The following BIN2 variants were observed in gnomAD, a reference collection of about 807,000 sequenced individuals.
The protein encoded by BIN2 is breast cancer associated protein BRAP1.
In BIN2, 43 loss-of-function variants were observed where a neutral mutation model predicts 67.9. That is an observed-to-expected ratio of 0.63 (90% CI 0.50 to 0.82). The LOEUF (loss-of-function observed/expected upper bound fraction) is 0.82, where lower values mean the gene tolerates loss of function less well. Ranked by LOEUF, BIN2 falls within the 40% of genes least tolerant of loss-of-function variation. The probability of loss-of-function intolerance (pLI) is 0.00; values close to 1 mark genes in which losing one functional copy is unlikely to be tolerated. For synonymous variants in BIN2, 244 were observed against 246.8 expected (o/e 0.99, Z 0.11); for missense variants, 581 against 671.6 (o/e 0.87, Z 1.49).
At chr12:51,313,593 G>C (rs142114751) in intron 2 of BIN2, among the ~76,000 whole-genome samples, 23 of 152,098 alleles carry the variant, frequency 1.5e-4, no homozygotes, top group African/African-American at 5.3e-4. Context: ...CGCCCGCCTC[G>C]CCCTCCCAAA....
At chr12:51,314,014 GTACT>G (rs1436048757) in intron 1 of BIN2, 111 bp from the exon 2 acceptor site, 2 of 437,700 alleles carry the variant, frequency 4.6e-6, no homozygotes, top group East Asian at 3.7e-5. Context: ...CTCAAGGGCT[GTACT>G]TATTTATTTA....
intron 5 of BIN2, 94 bp downstream of exon 5, chr12:51,301,926 T>G: frequency 1.1e-5 from 9 of 856,522 alleles, no homozygotes; most frequent in Non-Finnish European, 1.5e-5. Flanking sequence ...TTCTTAATCG[T>G]GAGTTCTAAT....
chr12:51,291,765 G>A lies in BIN2; in HGVS notation c.1341C>T (p.Ser447=), dbSNP rs1945385911. ...PTASGGGSPT[S]PRASLGTGTA... is the part of the protein sequence containing the mutation. ...TCCCAGTCCCCAAGGAGGCCCTAGGGCTGGTGGGTGAACCCCCTCCAGAGG... is the reference window on the plus strand; with the variant it reads ...TCCCAGTCCCCAAGGAGGCCCTAGGACTGGTGGGTGAACCCCCTCCAGAGG... The change falls in exon 10 of 13, where the codon AGC becomes AGT. Residue 447 remains serine (S), a synonymous_variant. Coordinates refer to ENST00000615107, the MANE Select transcript of BIN2 (RefSeq NM_016293.4). The A allele has an allele frequency of 8.1e-6, 13 of 1,613,614 alleles. No individual in the cohort carries two copies. Among genetic ancestry groups the A allele is most frequent in the Non-Finnish European group, 1.1e-5 (13 of 1,179,708 alleles).
intron 2 of BIN2, among the ~76,000 whole-genome samples, chr12:51,313,391 T>A (rs1017192111): frequency 6.6e-6 from 1 of 151,382 alleles, no homozygotes. Flanking sequence ...CAGGCTAGAG[T>A]ACAATGGCAA....
Position 51,297,141 on chromosome 12 carries a change from A to AT in BIN2, c.625dup (p.Ile209AsnfsTer37). ...CCTCAAGTTGGAAATGTTTTGGAAG[A>AT]TGGTCACATAGCAGCCAATACGACT... On this transcript the variant is annotated frameshift_variant, in exon 8 of 13. Coordinates refer to ENST00000615107, the MANE Select transcript of BIN2 (RefSeq NM_016293.4). LOFTEE classifies it high-confidence loss of function. The AT allele has an allele frequency of 6.2e-7, 1 of 1,614,114 alleles. No homozygotes were observed. Among genetic ancestry groups the AT allele is most frequent in the Non-Finnish European group, 8.5e-7 (1 of 1,179,970 alleles).
chr12:51,302,871 A>T (rs1234522230), intron 3 of BIN2, 91 bp from the exon 4 acceptor site: 2 of 1,253,792 alleles, frequency 1.6e-6, no homozygotes, highest in African/African-American at 3.0e-5. Context: ...TCCAATTCAG[A>T]AGGACAAACT....
At chr12:51,284,936 T>C (rs1945200613) in intron 11 of BIN2, 149 bp from the exon 12 acceptor site, 2 of 609,970 alleles carry the variant, frequency 3.3e-6, no homozygotes, top group Non-Finnish European at 5.9e-6. Context: ...CACCAGAGCC[T>C]GAAGGCATCG....
intron 5 of BIN2, among the ~76,000 whole-genome samples, chr12:51,301,087 G>T (rs1247696865): frequency 6.6e-6 from 1 of 152,008 alleles, no homozygotes; most frequent in South Asian, 2.1e-4. Flanking sequence ...GCTTGGTGAC[G>T]CATGCCTGTA....
At chr12:51,320,971 T>TACACACACA (rs1328034291) in intron 1 of BIN2, among the ~76,000 whole-genome samples, 1 of 146,474 alleles carries the variant, frequency 6.8e-6, no homozygotes, top group African/African-American at 2.5e-5. Flanking sequence ...ACACACACAC[T>TACACACACA]CTAAAGCCAG....
chr12:51,298,659 G>A (rs1385831293), intron 7 of BIN2, among the ~76,000 whole-genome samples: 2 of 152,102 alleles, frequency 1.3e-5, no homozygotes, highest in African/African-American at 4.8e-5. Context: ...TCCATCCTAT[G>A]TACACTAATA....
chr12:51,283,795 G>T (rs1945173359), intron 12 of BIN2, among the ~76,000 whole-genome samples: 1 of 152,028 alleles, frequency 6.6e-6, no homozygotes, highest in Admixed American at 6.6e-5. Flanking sequence ...GGGAGTTTGA[G>T]ACCAGCCTGA....
chr12:51,324,305 G>T, upstream of BIN2: 1 of 1,369,546 alleles, frequency 7.3e-7, no homozygotes, highest in Non-Finnish European at 9.5e-7. Flanking sequence ...GGGCGGGCCC[G>T]GGGCCTACCC....
chr12:51,309,338 G>A (rs1218906987), intron 2 of BIN2, among the ~76,000 whole-genome samples: 1 of 152,172 alleles, frequency 6.6e-6, no homozygotes, highest in Non-Finnish European at 1.5e-5. Context: ...AGACGTGACT[G>A]TATTGTCACT....
Position 51,281,267 on chromosome 12 carries a change from G to A in BIN2, c.*232C>T, listed in dbSNP as rs1945114352. On this transcript the variant is annotated 3_prime_UTR_variant, in exon 13 of 13. Coordinates refer to ENST00000615107, the MANE Select transcript of BIN2 (RefSeq NM_016293.4). ...TCTTATTCTAATAATGCTAAAACCA[G>A]AATTAAATATTCCCTGAGTCTAATG... 1 of 574,550 alleles carries A rather than the reference G, an allele frequency of 1.7e-6. No homozygotes were observed. Among genetic ancestry groups the A allele is most frequent in the Non-Finnish European group, 3.2e-6 (1 of 316,970 alleles). 35.6% of individuals were successfully genotyped at this position (574,550 alleles called of 1,614,324 possible). A position where few individuals can be genotyped will look rare whatever the true frequency, so the allele number is the denominator to read the frequency against.
chr12:51,281,247 T>G lies in BIN2; in HGVS notation c.*252A>C. 1.3e-5 allele frequency: 7 copies of G among 549,950 alleles called. No homozygotes were observed. Among genetic ancestry groups the G allele is most frequent in the South Asian group, 2.3e-5 (1 of 42,620 alleles). The allele number at this position is 549,950 out of a possible 1,614,324, so 34.1% of individuals were successfully genotyped here. A position where few individuals can be genotyped will look rare whatever the true frequency, so the allele number is the denominator to read the frequency against. On this transcript the variant is annotated 3_prime_UTR_variant, in exon 13 of 13. Transcript: ENST00000615107. ...ACTTTAGTTAATGTATAAAGTCTTATTCTAATAATGCTAAAACCAGAATTA... is the reference window on the plus strand; with the variant it reads ...ACTTTAGTTAATGTATAAAGTCTTAGTCTAATAATGCTAAAACCAGAATTA...
chr12:51,318,804 T>C (rs1946196465), intron 1 of BIN2, among the ~76,000 whole-genome samples: 2 of 152,212 alleles, frequency 1.3e-5, no homozygotes, highest in African/African-American at 2.4e-5. Flanking sequence ...TGCATGTAAA[T>C]TGCTTTCTCA....
At chr12:51,308,241 GTTAC>G in intron 2 of BIN2, among the ~76,000 whole-genome samples, 1 of 152,302 alleles carries the variant, frequency 6.6e-6, no homozygotes, top group African/African-American at 2.4e-5. Context: ...CAACTAGCAA[GTTAC>G]TCCACTTCTC....
At chr12:51,309,116 G>A (rs1177002890) in intron 2 of BIN2, among the ~76,000 whole-genome samples, 2 of 152,036 alleles carry the variant, frequency 1.3e-5, no homozygotes, top group Non-Finnish European at 2.9e-5. Flanking sequence ...GAGGGATAGG[G>A]CACATGACCA....
At chr12:51,296,472 A>G (rs1395282118) in intron 8 of BIN2, among the ~76,000 whole-genome samples, 2 of 151,330 alleles carry the variant, frequency 1.3e-5, no homozygotes, top group African/African-American at 2.4e-5. Flanking sequence ...ACTCCAGCCT[A>G]GGTGCCAGAG....
Sources: allele counts gnomAD v4.1 joint callset (sites outside exome capture counted in the v4.1 genomes callset), GRCh38; gene constraint gnomAD v4.1.1; transcripts MANE v1.5; gene names NCBI Gene and HGNC (gene_info 2026-07-23, HGNC 2026-07-21).